The following ENOX2 variants were observed in gnomAD, a reference collection of about 807,000 sequenced individuals.
The protein encoded by ENOX2 is APK1 antigen.
ENOX2 carries 36 observed loss-of-function variants against 45.0 expected under a neutral mutation model. The ratio of observed to expected loss-of-function variants is 0.80; its 90% CI spans 0.61 to 1.06. ENOX2 has a LOEUF of 1.06. Among genes scored for constraint, ENOX2 ranks in the 50% least tolerant of loss-of-function variants. ENOX2 has a pLI of 0.00. For missense variants in ENOX2, 423 were observed against 462.5 expected (o/e 0.91, Z 0.78); for synonymous variants, 174 against 152.3 (o/e 1.14, Z -1.05).
chrX:130,768,983 C>A (rs1376678523), intron 3 of ENOX2, among the ~76,000 whole-genome samples: 2 of 111,409 alleles, frequency 1.8e-5, no homozygotes, highest in African/African-American at 3.3e-5. Context: ...AGCTGACTTA[C>A]TCTTAAGAAA....
At chrX:130,785,021 A>G (rs998583878) in intron 2 of ENOX2, among the ~76,000 whole-genome samples, 19 of 110,515 alleles carry the variant, frequency 1.7e-4, no homozygotes, top group South Asian at 3.9e-4. Context: ...AAGTTTCAAT[A>G]AAATGAATGC....
At chrX:130,672,383 T>C (rs1301074726) in intron 6 of ENOX2, among the ~76,000 whole-genome samples, 2 of 112,046 alleles carry the variant, frequency 1.8e-5, no homozygotes, top group Non-Finnish European at 3.8e-5. Context: ...CCGGTCCTGG[T>C]GGAGTCCCTC....
chrX:130,628,257 A>G (rs2035602830), intron 13 of ENOX2, among the ~76,000 whole-genome samples: 1 of 112,400 alleles, frequency 8.9e-6, no homozygotes, highest in African/African-American at 3.2e-5. Flanking sequence ...AGATGCACTA[A>G]AAGTGTAAGC....
chrX:130,713,971 G>A (rs1296920596), intron 3 of ENOX2, among the ~76,000 whole-genome samples: 3 of 110,880 alleles, frequency 2.7e-5, no homozygotes, highest in Admixed American at 1.9e-4. Flanking sequence ...GTGGGGGAGG[G>A]GGTGGAGAAA....
chrX:130,757,917 T>A (rs951500099), intron 3 of ENOX2, among the ~76,000 whole-genome samples: 1 of 111,342 alleles, frequency 9.0e-6, no homozygotes, highest in African/African-American at 3.3e-5. Context: ...TTTTGTTTAC[T>A]TTCTGTAGAC....
rs143699914 is a variant in ENOX2 at position 130,628,145 on chromosome X, A to C, written c.1529-102T>G. Reference sequence around the variant, plus strand: ...GCTGACTCATATGTACAACAGAAATATACTGGACACTATTCTAAGTTTACA... The same window carrying C: ...GCTGACTCATATGTACAACAGAAATCTACTGGACACTATTCTAAGTTTACA... On this transcript the variant is annotated intron_variant, in intron 13 of 14. Coordinates refer to ENST00000394363, the MANE Select transcript of ENOX2 (RefSeq NM_006375.4). 5.3e-3 allele frequency: 2,859 copies of C among 543,592 alleles called. 71 individuals carry two copies. In the African/African-American group the frequency reaches 0.056, roughly 11 times the overall value. 44.8% of individuals were successfully genotyped at this position (543,592 alleles called of 1,213,427 possible). A position where few individuals can be genotyped will look rare whatever the true frequency, so the allele number is the denominator to read the frequency against.
intron 2 of ENOX2, among the ~76,000 whole-genome samples, chrX:130,810,277 A>T (rs1326046759): frequency 9.0e-6 from 1 of 110,750 alleles, no homozygotes; most frequent in Non-Finnish European, 1.9e-5. Flanking sequence ...CCATGGCATC[A>T]GGATAGCTCC....
At chrX:130,815,997 A>G (rs1385415564) in intron 2 of ENOX2, among the ~76,000 whole-genome samples, 1 of 111,278 alleles carries the variant, frequency 9.0e-6, no homozygotes, top group Non-Finnish European at 1.9e-5. Flanking sequence ...TAATCAGGAG[A>G]CCCATCTCAT....
rs2077169111 is a variant in ENOX2 at position 130,798,439 on chromosome X, TTA to T, written c.-182-14751_-182-14750del. On this transcript the variant is annotated intron_variant, in intron 2 of 14. Transcript: ENST00000394363. Reference sequence around the variant, plus strand: ...AGGTAACACTTAGAAGGTAAGTTAATTAACTCTGTACCTACAATCTGTAGGGA... The same window carrying T: ...AGGTAACACTTAGAAGGTAAGTTAATACTCTGTACCTACAATCTGTAGGGA... Among the ~76,000 whole-genome samples, 4 of 112,467 alleles carry T rather than the reference TTA, an allele frequency of 3.6e-5. No homozygotes were observed. In the Admixed American group the frequency reaches 3.8e-4, roughly 11 times the overall value.
At chrX:130,865,656 G>A (rs964044691) in intron 2 of ENOX2, among the ~76,000 whole-genome samples, 1 of 111,755 alleles carries the variant, frequency 8.9e-6, no homozygotes, top group Non-Finnish European at 1.9e-5. Flanking sequence ...AATATACAGA[G>A]ATCATTTAAG....
At chrX:130,751,199 C>T (rs1413016659) in intron 3 of ENOX2, among the ~76,000 whole-genome samples, 1 of 111,711 alleles carries the variant, frequency 9.0e-6, no homozygotes, top group Non-Finnish European at 1.9e-5. Flanking sequence ...CAGTTGTCCT[C>T]CCTTCCTCCC....
intron 2 of ENOX2, among the ~76,000 whole-genome samples, chrX:130,823,529 C>A (rs971307836): frequency 2.7e-5 from 3 of 111,874 alleles, no homozygotes; most frequent in African/African-American, 9.7e-5. Context: ...ATGCAAAGGG[C>A]AATAATTTAT....
intron 10 of ENOX2, among the ~76,000 whole-genome samples, chrX:130,641,129 C>T (rs1403285315): frequency 1.8e-5 from 2 of 110,959 alleles, no homozygotes; most frequent in African/African-American, 6.6e-5. Context: ...TCAGAGAACA[C>T]GAGACAGGAT....
intron 2 of ENOX2, among the ~76,000 whole-genome samples, chrX:130,819,239 G>A (rs1224920285): frequency 8.9e-6 from 1 of 111,978 alleles, no homozygotes; most frequent in Admixed American, 9.5e-5. Context: ...ATGCTGGGGA[G>A]GATGTGGAGA....
chrX:130,664,232 TCA>T (rs1380315153), intron 9 of ENOX2, among the ~76,000 whole-genome samples: 1 of 112,205 alleles, frequency 8.9e-6, no homozygotes, highest in Non-Finnish European at 1.9e-5. Flanking sequence ...TAAATGCTTT[TCA>T]TGGTTTTCAA....
chrX:130,736,909 A>T (rs2038874248), intron 3 of ENOX2, among the ~76,000 whole-genome samples: 1 of 111,767 alleles, frequency 8.9e-6, no homozygotes, highest in Admixed American at 9.5e-5. Context: ...CTTATCCACC[A>T]AAGTGAATCC....
intron 3 of ENOX2, among the ~76,000 whole-genome samples, chrX:130,742,237 A>T (rs1224969064): frequency 1.0e-5 from 1 of 99,691 alleles, no homozygotes; most frequent in African/African-American, 3.7e-5. Flanking sequence ...TTTGGTACAG[A>T]TAATTTCCTT....
At chrX:130,646,248 A>G (rs1199140075) in intron 10 of ENOX2, 1 of 429,751 alleles carries the variant, frequency 2.3e-6, no homozygotes, top group Non-Finnish European at 4.3e-6. Context: ...CATCCCAGAG[A>G]CTGCAGCATG....
intron 3 of ENOX2, among the ~76,000 whole-genome samples, chrX:130,778,353 A>G (rs1412546369): frequency 8.9e-6 from 1 of 111,823 alleles, no homozygotes; most frequent in East Asian, 2.8e-4. Flanking sequence ...CTACAGGCCC[A>G]CTTTCTCCTA....
Sources: allele counts gnomAD v4.1 joint callset (sites outside exome capture counted in the v4.1 genomes callset), GRCh38; gene constraint gnomAD v4.1.1; transcripts MANE v1.5; gene names NCBI Gene and HGNC (gene_info 2026-07-23, HGNC 2026-07-21).